Variants in CBR4 observed in about 807,000 individuals in gnomAD.
The protein encoded by CBR4 is carbonyl reductase 4, also known as 3-oxoacyl-[acyl-carrier-protein] reductase.
A neutral mutation model predicts 21.0 loss-of-function variants in CBR4; 22 were observed. The observed-to-expected ratio is 1.05, with a 90% CI of 0.75 to 1.50. The LOEUF (loss-of-function observed/expected upper bound fraction) is 1.50. Among genes scored for constraint, CBR4 ranks in the 40% most tolerant of loss-of-function variants. The probability of loss-of-function intolerance (pLI) is 0.00; values close to 1 mark genes in which losing one functional copy is unlikely to be tolerated. For synonymous variants in CBR4, 100 were observed against 104.4 expected, an observed-to-expected ratio of 0.96 and a Z score of 0.26; for missense variants, 302 against 286.3, an observed-to-expected ratio of 1.05 and a Z score of -0.40.
intron 4 of CBR4, among the ~76,000 whole-genome samples, chr4:168,991,819 T>C (rs1279357849): frequency 1.3e-5 from 2 of 152,142 alleles, no homozygotes; most frequent in Non-Finnish European, 2.9e-5. Flanking sequence ...AAAAAAATTT[T>C]TAAGGTCATG....
Position 169,008,910 on chromosome 4 carries a change from C to T in CBR4, c.142+1038G>A, listed in dbSNP as rs535769184. The T allele has an allele frequency of 2.1e-3, 924 of 448,366 alleles. 13 individuals are homozygous for T. Among genetic ancestry groups the T allele is most frequent in the South Asian group, 0.014 (902 of 62,892 alleles). 27.8% of individuals were successfully genotyped at this position (448,366 alleles called of 1,614,324 possible). On this transcript the variant is annotated intron_variant, in intron 1 of 4. Transcript: ENST00000306193. ...CCAACCAGCACTGAACAGGTGATAC[C>T]AAACCGATCAATAATGTTAACTTAA...
At chr4:168,978,784 G>A (rs1764451382) in intron 2 of CBR4, among the ~76,000 whole-genome samples, 1 of 152,172 alleles carries the variant, frequency 6.6e-6, no homozygotes, top group South Asian at 2.1e-4. Flanking sequence ...GAGAGAGGCT[G>A]CATCCACAGT....
Position 168,988,516 on chromosome 4 carries a change from T to G in CBR4, c.*1634A>C. On this transcript the variant is annotated 3_prime_UTR_variant, in exon 5 of 5. Coordinates refer to ENST00000306193, the MANE Select transcript of CBR4 (RefSeq NM_032783.5). ...GTACAGGTAGCCAAAGGCCAGCAAT[T>G]GAGACAGCATTAGAGAAACTATCTA... 1 of 985,380 alleles carries G rather than the reference T, an allele frequency of 1.0e-6. No individual in the cohort carries two copies. The highest frequency in any genetic ancestry group is 1.2e-6 in the Non-Finnish European group (1 of 829,932). 61.0% of individuals were successfully genotyped at this position (985,380 alleles called of 1,614,324 possible). A position where few individuals can be genotyped will look rare whatever the true frequency, so the allele number is the denominator to read the frequency against.
chr4:169,008,425 T>A (rs1579036138), intron 1 of CBR4, among the ~76,000 whole-genome samples: 1 of 152,222 alleles, frequency 6.6e-6, no homozygotes, highest in African/African-American at 2.4e-5. Context: ...GCATTCCCTA[T>A]GTAATCTACC....
In CBR4 at chr4:168,903,864, A is replaced by G. The variant is rs1757068246; in HGVS notation, n.170-9099T>C. The G allele has an allele frequency of 6.2e-7, 1 of 1,613,932 alleles. No homozygotes were observed. Among genetic ancestry groups the G allele is most frequent in the African/African-American group, 1.3e-5 (1 of 75,034 alleles). ...CCCTCCATACCACAGCCTCCACCCTAGATGATGATGGGAATTATACAATTA... is the reference window on the plus strand; with the variant it reads ...CCCTCCATACCACAGCCTCCACCCTGGATGATGATGGGAATTATACAATTA... On this transcript the variant is annotated intron_variant and non_coding_transcript_variant, in intron 2 of 3. Coordinates refer to the CBR4 transcript ENST00000509108.
intron 2 of CBR4, among the ~76,000 whole-genome samples, chr4:168,899,909 C>T (rs1368304224): frequency 6.7e-6 from 1 of 150,200 alleles, no homozygotes; most frequent in Non-Finnish European, 1.5e-5. Flanking sequence ...AACAGTGAGA[C>T]TCCGTCTCAA....
intron 4 of CBR4, among the ~76,000 whole-genome samples, chr4:169,000,109 C>A (rs1167682197): frequency 6.6e-6 from 1 of 152,182 alleles, no homozygotes; most frequent in East Asian, 1.9e-4. Context: ...GTATTCCAAT[C>A]CTGAAAAGAG....
Position 168,917,915 on chromosome 4 carries a change from C to T in CBR4, n.170-23150G>A, listed in dbSNP as rs1165082983. Among the ~76,000 whole-genome samples, 3 of 151,974 alleles carry T rather than the reference C, an allele frequency of 2.0e-5. No individual in the cohort carries two copies. In the East Asian group the frequency reaches 5.8e-4, roughly 29 times the overall value. On this transcript the variant is annotated intron_variant and non_coding_transcript_variant, in intron 2 of 3. Coordinates refer to the CBR4 transcript ENST00000509108. ...CTTATATATCCGAGGAAAATGAAAT[C>T]AGAGGCTGGGCACAGTGGCACACGC...
chr4:168,957,610 T>C (rs1316454687), intron 2 of CBR4, among the ~76,000 whole-genome samples: 1 of 152,218 alleles, frequency 6.6e-6, no homozygotes, highest in Non-Finnish European at 1.5e-5. Flanking sequence ...CTCATGCACC[T>C]TGTAGTCCAC....
At chr4:168,992,475 C>A (rs1764971885) in intron 4 of CBR4, among the ~76,000 whole-genome samples, 1 of 152,086 alleles carries the variant, frequency 6.6e-6, no homozygotes, top group Admixed American at 6.6e-5. Flanking sequence ...CAAACTGCAT[C>A]TGCACCTGCA....
chr4:168,943,452 A>G (rs141442340), intron 2 of CBR4, among the ~76,000 whole-genome samples: 227 of 152,336 alleles, frequency 1.5e-3, no homozygotes, highest in African/African-American at 5.2e-3. Flanking sequence ...CTCAACATAC[A>G]TTATAGTCAT....
At chr4:168,991,909 T>C (rs775033172) in intron 4 of CBR4, among the ~76,000 whole-genome samples, 2 of 152,186 alleles carry the variant, frequency 1.3e-5, no homozygotes, top group Non-Finnish European at 2.9e-5. Flanking sequence ...AGTTTTCAAA[T>C]TGCCTGTTAA....
chr4:168,988,333 C>T lies in CBR4; in HGVS notation c.*1817G>A, dbSNP rs952417694. 3 of 985,216 alleles carry T rather than the reference C, an allele frequency of 3.0e-6. No individual in the cohort carries two copies. The highest frequency in any genetic ancestry group is 5.2e-4 in the Middle Eastern group (1 of 1,936). 61.0% of individuals were successfully genotyped at this position (985,216 alleles called of 1,614,324 possible). ...TTATTTTAAAGTATAAAAACATACA[C>T]TTAAAGGCTAAACCTATCTATAACC... On this transcript the variant is annotated 3_prime_UTR_variant, in exon 5 of 5. Coordinates refer to ENST00000306193, the MANE Select transcript of CBR4 (RefSeq NM_032783.5).
chr4:168,967,434 A>G (rs1764076649), intron 2 of CBR4, among the ~76,000 whole-genome samples: 1 of 152,204 alleles, frequency 6.6e-6, no homozygotes, highest in Non-Finnish European at 1.5e-5. Flanking sequence ...CCAGCAAACC[A>G]ACATGGCACA....
At chr4:168,954,257 A>C (rs1424609672) in intron 2 of CBR4, among the ~76,000 whole-genome samples, 2 of 152,226 alleles carry the variant, frequency 1.3e-5, no homozygotes, top group African/African-American at 4.8e-5. Flanking sequence ...ACAATGAAAC[A>C]ATTCTTTCAA....
chr4:168,960,063 C>T (rs1326127014), intron 2 of CBR4, among the ~76,000 whole-genome samples: 1 of 152,042 alleles, frequency 6.6e-6, no homozygotes, highest in African/African-American at 2.4e-5. Flanking sequence ...AGGTTTTATA[C>T]TTCTGTTAAA....
chr4:168,942,593 C>T (rs1763293766), intron 2 of CBR4, among the ~76,000 whole-genome samples: 2 of 151,902 alleles, frequency 1.3e-5, no homozygotes, highest in Non-Finnish European at 2.9e-5. Flanking sequence ...AGTAAGACCT[C>T]AAAAGCACAG....
intron 2 of CBR4, among the ~76,000 whole-genome samples, chr4:168,981,041 T>C (rs1560976021): frequency 6.6e-6 from 1 of 152,150 alleles, no homozygotes; most frequent in Non-Finnish European, 1.5e-5. Flanking sequence ...CTGAAACCCA[T>C]TCCAAGGAAT....
At chr4:168,984,325 T>C (rs555758555), downstream of CBR4, among the ~76,000 whole-genome samples, 12 of 151,944 alleles carry the variant, frequency 7.9e-5, no homozygotes, top group African/African-American at 2.9e-4. Flanking sequence ...ACAAATAAAA[T>C]ACTTAGCAAT....
Sources: gnomAD v4.1 joint callset for allele counts (sites outside exome capture counted in the v4.1 genomes callset) on GRCh38, gnomAD v4.1.1 for gene constraint, MANE v1.5 for transcripts, NCBI Gene and HGNC (gene_info 2026-07-23, HGNC 2026-07-21) for gene names.